The following MAP3K15 variants were observed in gnomAD, a reference collection of about 807,000 sequenced individuals.
MAP3K15 encodes MAPK/ERK kinase kinase 15.
MAP3K15 carries 124 observed loss-of-function variants against 99.5 expected under a neutral mutation model. The ratio of observed to expected loss-of-function variants is 1.25; its 90% CI spans 1.08 to 1.45. The LOEUF is 1.45. Among genes scored for constraint, MAP3K15 ranks in the 40% most tolerant of loss-of-function variants. The pLI is 0.00. For missense variants in MAP3K15, 1,242 were observed against 1,079.7 expected, an observed-to-expected ratio of 1.15 and a Z score of -2.11; for synonymous variants, 494 against 439.6, an observed-to-expected ratio of 1.12 and a Z score of -1.55.
Position 19,463,640 on chromosome X carries a change from C to T in MAP3K15, c.719+573G>A, listed in dbSNP as rs151081741. ...ATTTCAGTGCTACACAGGTAGGAATCATCTAAGCCAAGATTCCAATCTAAA... is the reference window on the plus strand; with the variant it reads ...ATTTCAGTGCTACACAGGTAGGAATTATCTAAGCCAAGATTCCAATCTAAA... On this transcript the variant is annotated intron_variant, in intron 4 of 28. Transcript: ENST00000338883. Among the ~76,000 whole-genome samples, 15 of 112,032 alleles carry T rather than the reference C, an allele frequency of 1.3e-4. No individual in the cohort carries two copies. In the East Asian group the frequency reaches 2.0e-3, roughly 15 times the overall value.
chrX:19,398,080 A>T, intron 15 of MAP3K15, 146 bp downstream of exon 15: 1 of 705,881 alleles, frequency 1.4e-6, no homozygotes, highest in Non-Finnish European at 2.0e-6. Context: ...AAAAAAAAAA[A>T]AAAGATCACC....
At chrX:19,396,306 C>G (rs1256371042) in intron 15 of MAP3K15, among the ~76,000 whole-genome samples, 1 of 111,966 alleles carries the variant, frequency 8.9e-6, no homozygotes, top group Non-Finnish European at 1.9e-5. Flanking sequence ...TCTAAAGGTC[C>G]CTTCTAGCTC....
intron 15 of MAP3K15, among the ~76,000 whole-genome samples, 172 bp from the exon 16 acceptor site, chrX:19,395,380 C>T (rs936272711): frequency 8.9e-6 from 1 of 111,957 alleles, no homozygotes; most frequent in Non-Finnish European, 1.9e-5. Flanking sequence ...AGAGGATAAG[C>T]CTACAGCCAT....
Position 19,372,671 on chromosome X carries a change from C to A in MAP3K15, c.3090G>T (p.Leu1030=). The part of the protein sequence containing the change: ...WEEQNQVASN[L]QECVAQSSEE... Reference sequence around the variant, plus strand: ...CAAATACCTGGGCCACACACTCCTGCAGGTTGGAAGCCACCTGGTTCTGCT... The same window carrying A: ...CAAATACCTGGGCCACACACTCCTGAAGGTTGGAAGCCACCTGGTTCTGCT... Residue 1030 remains leucine (L), a synonymous_variant, in exon 22 of 29, where the codon CTG becomes CTT. Coordinates refer to ENST00000338883, the MANE Select transcript of MAP3K15 (RefSeq NM_001001671.4). 1 of 1,209,728 alleles carries A rather than the reference C, an allele frequency of 8.3e-7. No individual in the cohort carries two copies. Among genetic ancestry groups the A allele is most frequent in the Non-Finnish European group, 1.1e-6 (1 of 894,353 alleles).
intron 6 of MAP3K15, among the ~76,000 whole-genome samples, chrX:19,439,926 A>G (rs1165887822): frequency 9.0e-6 from 1 of 111,380 alleles, no homozygotes. Context: ...AGGGGAGCTG[A>G]CTCCTCTAGG....
chrX:19,382,930 G>A (rs1434312284), intron 18 of MAP3K15, among the ~76,000 whole-genome samples: 1 of 111,988 alleles, frequency 8.9e-6, no homozygotes, highest in Non-Finnish European at 1.9e-5. Context: ...TCCCCATTAG[G>A]CTCCGCAACC....
At chrX:19,486,645 T>C in intron 2 of MAP3K15, 140 bp from the exon 3 acceptor site, 1 of 274,132 alleles carries the variant, frequency 3.6e-6, no homozygotes, top group Non-Finnish European at 6.4e-6. Context: ...AGAGCAAGAA[T>C]TAATCATGTG....
rs1047532278 is a variant in MAP3K15 at position 19,378,771 on chromosome X, G to A, written c.2589+1349C>T. Among the ~76,000 whole-genome samples, 5 of 111,813 alleles carry A rather than the reference G, an allele frequency of 4.5e-5. No homozygotes were observed. In the East Asian group the frequency reaches 1.4e-3, roughly 31 times the overall value. Reference sequence around the variant, plus strand: ...GTGTCCTGGCATCAGCTTCCCGTGAGGTCACAAGGAAGGACATCCCTTTCC... The same window carrying A: ...GTGTCCTGGCATCAGCTTCCCGTGAAGTCACAAGGAAGGACATCCCTTTCC... On this transcript the variant is annotated intron_variant, in intron 19 of 28. Coordinates refer to ENST00000338883, the MANE Select transcript of MAP3K15 (RefSeq NM_001001671.4).
In MAP3K15 at chrX:19,469,947, G is replaced by T. The variant is rs1397873951; in HGVS notation, c.526-5541C>A. ...GAGAAATAGGAACACTTTTACACTG[G>T]TGGTGGGACTGTAAACTAGTTCAAC... On this transcript the variant is annotated intron_variant, in intron 3 of 28. Coordinates refer to ENST00000338883, the MANE Select transcript of MAP3K15 (RefSeq NM_001001671.4). 3.7e-3 allele frequency among the ~76,000 whole-genome samples: 405 copies of T among 108,264 alleles called. 1 individual carries two copies. Among genetic ancestry groups the T allele is most frequent in the African/African-American group, 7.9e-3 (234 of 29,568 alleles). 94.0% of individuals were successfully genotyped at this position (108,264 alleles called of 115,157 possible).
chrX:19,488,522 A>G (rs1250685540), intron 2 of MAP3K15, among the ~76,000 whole-genome samples: 1 of 111,728 alleles, frequency 9.0e-6, no homozygotes, highest in African/African-American at 3.3e-5. Context: ...TTTGGATCCA[A>G]TTGCTCATGA....
chrX:19,416,443 G>A (rs989441051), intron 9 of MAP3K15, among the ~76,000 whole-genome samples: 1 of 111,722 alleles, frequency 9.0e-6, no homozygotes, highest in African/African-American at 3.3e-5. Flanking sequence ...GATCACTCAC[G>A]GTTCTCGTGC....
intron 26 of MAP3K15, among the ~76,000 whole-genome samples, chrX:19,361,872 T>TG (rs148374382): frequency 0.22 from 24,088 of 111,438 alleles, 5,010 homozygotes; most frequent in African/African-American, 0.66. Context: ...TCAAATGCCT[T>TG]TCCTTAGGAA....
At chrX:19,462,277 G>A (rs1443733366) in intron 4 of MAP3K15, among the ~76,000 whole-genome samples, 2 of 111,880 alleles carry the variant, frequency 1.8e-5, no homozygotes, top group Admixed American at 9.5e-5. Flanking sequence ...ATGAAGTGAC[G>A]CACACAGCAG....
rs750706947 is a variant in MAP3K15 at position 19,400,610 on chromosome X, T to C, written c.1898A>G (p.Glu633Gly). 5.8e-6 allele frequency: 7 copies of C among 1,206,336 alleles called. No individual in the cohort carries two copies. The South Asian group carries it at 1.2e-4, about 21-fold the overall frequency. Reference sequence around the variant, plus strand: ...GTCTCCATCGGTCTCTCCCTCCAGCTCCACCGTACTGCCTGCTGTATTGGT... The same window carrying C: ...GTCTCCATCGGTCTCTCCCTCCAGCCCCACCGTACTGCCTGCTGTATTGGT... ...MITNTAGSTVELEGETDGDTL... is the reference protein window; with the variant it reads ...MITNTAGSTVGLEGETDGDTL... Residue 633 changes from glutamate to glycine, a missense_variant, in exon 14 of 29, where the codon GAG (glutamate) becomes GGG (glycine). Transcript: ENST00000338883.
intron 1 of MAP3K15, among the ~76,000 whole-genome samples, chrX:19,512,755 G>A (rs2064529771): frequency 9.4e-6 from 1 of 106,105 alleles, no homozygotes; most frequent in African/African-American, 3.5e-5. Context: ...CACTGCACCT[G>A]GCCTATCAAG....
rs1440890956 is a variant in MAP3K15, at chrX:19,370,099, A to G, written c.3400+860T>C. 5.4e-5 allele frequency among the ~76,000 whole-genome samples: 6 copies of G among 111,652 alleles called. No homozygotes were observed. In the Admixed American group the frequency reaches 5.7e-4, roughly 11 times the overall value. On this transcript the variant is annotated intron_variant, in intron 24 of 28. Coordinates refer to ENST00000338883, the MANE Select transcript of MAP3K15 (RefSeq NM_001001671.4). ...GAGGGTGGGCTGGAGCCAAACAGCAAGGAGCTGAAGGAAAGGGGGAAACCA... is the reference window on the plus strand; with the variant it reads ...GAGGGTGGGCTGGAGCCAAACAGCAGGGAGCTGAAGGAAAGGGGGAAACCA...
intron 18 of MAP3K15, among the ~76,000 whole-genome samples, chrX:19,380,969 C>A (rs1329496525): frequency 8.9e-6 from 1 of 112,374 alleles, no homozygotes; most frequent in African/African-American, 3.2e-5. Flanking sequence ...GAAGCCAGAA[C>A]GTGAGAAACA....
rs772399837 is a variant in MAP3K15, at chrX:19,426,666, A to C, written c.1167-323T>G. On this transcript the variant is annotated intron_variant, in intron 7 of 28. Coordinates refer to ENST00000338883, the MANE Select transcript of MAP3K15 (RefSeq NM_001001671.4). ...CCCATCTCTGCAAAAAAACTACAAA[A>C]ATTAGCTGGGTGTGGTGGTGTGTGC... Among the ~76,000 whole-genome samples, 4 of 108,525 alleles carry C rather than the reference A, an allele frequency of 3.7e-5. No homozygotes were observed. In the South Asian group the frequency reaches 1.2e-3, roughly 34 times the overall value. 94.2% of individuals were successfully genotyped at this position (108,525 alleles called of 115,157 possible). A position where few individuals can be genotyped will look rare whatever the true frequency, so the allele number is the denominator to read the frequency against.
At position 19,515,409 on chromosome X, in the gene MAP3K15, G is replaced by A. The variant is rs1569249133; in HGVS notation, c.-148C>T. On this transcript the variant is annotated 5_prime_UTR_variant, in exon 1 of 29. Transcript: ENST00000338883. ...GGAATCGAGGGAACGGAGCGCACCG[G>A]GGACCCCGCGGCGGGCCGAAGACGG... 1 of 280,736 alleles carries A rather than the reference G, an allele frequency of 3.6e-6. No individual in the cohort carries two copies. Among genetic ancestry groups the A allele is most frequent in the African/African-American group, 2.9e-5 (1 of 34,964 alleles). 23.1% of individuals were successfully genotyped at this position (280,736 alleles called of 1,213,427 possible). A position where few individuals can be genotyped will look rare whatever the true frequency, so the allele number is the denominator to read the frequency against.
Sources: gnomAD v4.1 joint callset for allele counts (sites outside exome capture counted in the v4.1 genomes callset) on GRCh38, gnomAD v4.1.1 for gene constraint, MANE v1.5 for transcripts, NCBI Gene and HGNC (gene_info 2026-07-23, HGNC 2026-07-21) for gene names.